DNER: variants seen among roughly 807,000 people sequenced by gnomAD.
The protein encoded by DNER is delta/notch like EGF repeat containing.
A neutral mutation model predicts 78.2 loss-of-function variants in DNER; 33 were observed. The ratio of observed to expected loss-of-function variants is 0.42; its 90% CI spans 0.32 to 0.56. DNER has a LOEUF of 0.56. DNER is among the 20% of genes least tolerant of loss of function. The pLI, the probability that DNER is intolerant of heterozygous loss-of-function variation, is 0.11. For missense variants in DNER, 918 were observed against 975.3 expected (o/e 0.94, Z 0.78); for synonymous variants, 417 against 384.8 (o/e 1.08, Z -0.98).
chr2:229,554,089 T>C (rs1436345560), intron 4 of DNER, among the ~76,000 whole-genome samples: 1 of 152,102 alleles, frequency 6.6e-6, no homozygotes, highest in African/African-American at 2.4e-5. Flanking sequence ...AATACAACTT[T>C]TTATAATTAT....
intron 5 of DNER, among the ~76,000 whole-genome samples, chr2:229,524,064 A>G (rs1696154145): frequency 6.6e-6 from 1 of 152,234 alleles, no homozygotes; most frequent in African/African-American, 2.4e-5. Flanking sequence ...TATTTGAGGT[A>G]ACTGAGGCAC....
At chr2:229,611,854 G>A (rs1314255056) in intron 1 of DNER, among the ~76,000 whole-genome samples, 7 of 152,206 alleles carry the variant, frequency 4.6e-5, no homozygotes, top group Admixed American at 4.6e-4. Flanking sequence ...TCGTCACACA[G>A]TGTCGGTGGG....
chr2:229,409,731 G>A (rs891629743), intron 9 of DNER, among the ~76,000 whole-genome samples: 1 of 152,110 alleles, frequency 6.6e-6, no homozygotes, highest in African/African-American at 2.4e-5. Context: ...TCTATTGAGA[G>A]TTCTCTGGCA....
rs61340733 is a variant in DNER at position 229,458,135 on chromosome 2, C to CAAAAAAAAAAAAAAAAAAA, written c.1262-10614_1262-10596dup. 2.3e-4 allele frequency among the ~76,000 whole-genome samples: 4 copies of CAAAAAAAAAAAAAAAAAAA among 17,716 alleles called. 1 individual carries two copies. The highest frequency in any genetic ancestry group is 2.9e-4 in the Non-Finnish European group (3 of 10,298). The allele number at this position is 17,716 out of a possible 152,430, so 11.6% of individuals were successfully genotyped here. On this transcript the variant is annotated intron_variant, in intron 7 of 12. Coordinates refer to ENST00000341772, the MANE Select transcript of DNER (RefSeq NM_139072.4). ...TGGGTCACAGAGCAAGACTCTATCTCAAAAAAAAAAAAAAAAAAAAAAAAA... is the reference window on the plus strand; with the variant it reads ...TGGGTCACAGAGCAAGACTCTATCTCAAAAAAAAAAAAAAAAAAAAAAAAAAAAAAAAAAAAAAAAAAAA...
chr2:229,492,415 A>G (rs1408844278), intron 6 of DNER, among the ~76,000 whole-genome samples: 1 of 152,202 alleles, frequency 6.6e-6, no homozygotes, highest in Non-Finnish European at 1.5e-5. Context: ...TTCATAGACC[A>G]TTAGAAATGC....
chr2:229,387,509 GAGAA>G (rs67136130), intron 11 of DNER, among the ~76,000 whole-genome samples: 10,071 of 75,408 alleles, frequency 0.13, 764 homozygotes, highest in African/African-American at 0.18. Flanking sequence ...GAAAGAAAGA[GAGAA>G]AGAAAGAAAG....
At chr2:229,627,480 T>C (rs13383968) in intron 1 of DNER, among the ~76,000 whole-genome samples, 32,744 of 147,194 alleles carry the variant, frequency 0.22, 4,266 homozygotes, top group African/African-American at 0.35. Flanking sequence ...TCTGGTTTAG[T>C]GCCAGCTCCA....
chr2:229,692,303 T>A (rs1699589838), intron 1 of DNER, among the ~76,000 whole-genome samples: 1 of 152,214 alleles, frequency 6.6e-6, no homozygotes, highest in South Asian at 2.1e-4. Context: ...TTGCTAAAGT[T>A]CTTGCAGGAG....
At chr2:229,612,765 G>A (rs17621318) in intron 1 of DNER, among the ~76,000 whole-genome samples, 1,961 of 152,248 alleles carry the variant, frequency 0.013, 81 homozygotes, top group East Asian at 0.12. Context: ...CTAACATCTA[G>A]AGTCTGTGAT....
intron 1 of DNER, among the ~76,000 whole-genome samples, chr2:229,624,820 TACA>T (rs1698309324): frequency 1.3e-5 from 2 of 152,216 alleles, no homozygotes; most frequent in Non-Finnish European, 2.9e-5. Flanking sequence ...TGTATTTGTG[TACA>T]TTTCTGGAGG....
At chr2:229,551,459 C>A (rs963593557) in intron 4 of DNER, among the ~76,000 whole-genome samples, 2 of 151,902 alleles carry the variant, frequency 1.3e-5, no homozygotes, top group Non-Finnish European at 2.9e-5. Context: ...CACAGTGAAA[C>A]CCCATCCCTA....
At chr2:229,692,054 T>C (rs1699585161) in intron 1 of DNER, among the ~76,000 whole-genome samples, 1 of 152,208 alleles carries the variant, frequency 6.6e-6, no homozygotes, top group Non-Finnish European at 1.5e-5. Flanking sequence ...AAGAGACTCA[T>C]GGCCCAGGTG....
chr2:229,468,553 C>T (rs1041478119), intron 7 of DNER, among the ~76,000 whole-genome samples: 2 of 152,174 alleles, frequency 1.3e-5, no homozygotes, highest in African/African-American at 4.8e-5. Context: ...CCCTATGATT[C>T]CATCTCCAAC....
In DNER at chr2:229,570,624, C is replaced by CAA. The variant is rs11432946; in HGVS notation, c.847+15232_847+15233dup. On this transcript the variant is annotated intron_variant, in intron 4 of 12. Transcript: ENST00000341772. Reference sequence around the variant, plus strand: ...CTTGGGCAAGAGCAAAACTCCATCTCAAAAAAAAAAAAAATCAAGAGTGAT... The same window carrying CAA: ...CTTGGGCAAGAGCAAAACTCCATCTCAAAAAAAAAAAAAAAATCAAGAGTGAT... 8.5e-3 allele frequency among the ~76,000 whole-genome samples: 1,196 copies of CAA among 140,466 alleles called. 18 individuals are homozygous for CAA. Among genetic ancestry groups the CAA allele is most frequent in the African/African-American group, 0.022 (834 of 37,764 alleles). 92.2% of individuals were successfully genotyped at this position (140,466 alleles called of 152,430 possible). A position where few individuals can be genotyped will look rare whatever the true frequency, so the allele number is the denominator to read the frequency against.
At chr2:229,686,419 C>G (rs1028649111) in intron 1 of DNER, among the ~76,000 whole-genome samples, 1 of 152,150 alleles carries the variant, frequency 6.6e-6, no homozygotes, top group African/African-American at 2.4e-5. Context: ...CTGGAATGGT[C>G]CAGGAAAGAC....
At chr2:229,460,822 A>G (rs1024089608) in intron 7 of DNER, among the ~76,000 whole-genome samples, 4 of 151,870 alleles carry the variant, frequency 2.6e-5, no homozygotes, top group Non-Finnish European at 4.4e-5. Context: ...AAGAAGGTCA[A>G]ATGTTACAAA....
At chr2:229,680,351 G>A (rs1415096324) in intron 1 of DNER, among the ~76,000 whole-genome samples, 2 of 152,128 alleles carry the variant, frequency 1.3e-5, no homozygotes, top group Admixed American at 1.3e-4. Context: ...TATTCTTTGG[G>A]GCTCCCATTG....
At chr2:229,688,574 A>G (rs1478507270) in intron 1 of DNER, among the ~76,000 whole-genome samples, 1 of 152,204 alleles carries the variant, frequency 6.6e-6, no homozygotes, top group East Asian at 1.9e-4. Flanking sequence ...TTGGCCCTCT[A>G]GGCAGCAGGG....
chr2:229,508,276 TG>T (rs1695784474), intron 6 of DNER, among the ~76,000 whole-genome samples: 1 of 152,228 alleles, frequency 6.6e-6, no homozygotes, highest in Non-Finnish European at 1.5e-5. Flanking sequence ...CTCCTATAAT[TG>T]GTCAATTACA....
Sources: gnomAD v4.1 joint callset for allele counts (sites outside exome capture counted in the v4.1 genomes callset) on GRCh38, gnomAD v4.1.1 for gene constraint, MANE v1.5 for transcripts, NCBI Gene and HGNC (gene_info 2026-07-23, HGNC 2026-07-21) for gene names.